Variants in TRAPPC9 observed in about 807,000 individuals in gnomAD.
TRAPPC9 encodes the protein trafficking protein particle complex subunit 9.
Under a neutral mutation model 124.0 loss-of-function variants are expected in TRAPPC9, and 83 were observed. The ratio of observed to expected loss-of-function variants is 0.67; its 90% CI spans 0.56 to 0.80. TRAPPC9 has a LOEUF of 0.80. TRAPPC9 is among the 30% of genes least tolerant of loss of function. The probability of loss-of-function intolerance (pLI) is 0.00; values close to 1 mark genes in which losing one functional copy is unlikely to be tolerated. For synonymous variants in TRAPPC9, 638 were observed against 617.5 expected (o/e 1.03, Z -0.49); for missense variants, 1,302 against 1,508.3 (o/e 0.86, Z 2.27).
chr8:140,223,657 A>C (rs191680039), intron 16 of TRAPPC9, among the ~76,000 whole-genome samples: 2 of 152,366 alleles, frequency 1.3e-5, no homozygotes, highest in South Asian at 2.1e-4. Context: ...CCAAATTCGC[A>C]ATAACTTAGG....
At chr8:140,156,587 G>A (rs1203045788) in intron 17 of TRAPPC9, among the ~76,000 whole-genome samples, 3 of 152,292 alleles carry the variant, frequency 2.0e-5, no homozygotes, top group East Asian at 1.9e-4. Context: ...CGGGAGCCTC[G>A]GAGTTCTGTA....
chr8:140,015,091 C>T (rs1453287373), intron 18 of TRAPPC9, among the ~76,000 whole-genome samples: 2 of 152,224 alleles, frequency 1.3e-5, no homozygotes, highest in Admixed American at 6.5e-5. Context: ...TCATGTTATG[C>T]CAGCAGTAAA....
At chr8:140,426,573 T>TA (rs1178400807) in intron 5 of TRAPPC9, 42 bp downstream of exon 5, 2 of 1,601,326 alleles carry the variant, frequency 1.2e-6, no homozygotes, top group East Asian at 2.2e-5. Flanking sequence ...AACAAGCACT[T>TA]AAAAAAATAA....
intron 9 of TRAPPC9, among the ~76,000 whole-genome samples, chr8:140,322,382 G>C (rs2066619201): frequency 6.6e-6 from 1 of 152,170 alleles, no homozygotes; most frequent in African/African-American, 2.4e-5. Context: ...CACCCCCCTG[G>C]TGGCAAGCCT....
intron 21 of TRAPPC9, among the ~76,000 whole-genome samples, chr8:139,804,119 C>T (rs1823777338): frequency 6.8e-6 from 1 of 147,596 alleles, no homozygotes; most frequent in African/African-American, 2.5e-5. Flanking sequence ...CCACCAAACA[C>T]CACCACCACA....
In TRAPPC9 at chr8:139,888,472, C is replaced by T. The variant is rs58230248; in HGVS notation, c.2965-2503G>A. Among the ~76,000 whole-genome samples the T allele has an allele frequency of 4.2e-3, 643 of 152,250 alleles. 1 individual carries two copies. Among genetic ancestry groups the T allele is most frequent in the African/African-American group, 0.015 (612 of 41,546 alleles). On this transcript the variant is annotated intron_variant, in intron 20 of 22. Transcript: ENST00000438773. ...CCTGTGGGTAGCATTAAGTAAGTGTCACCTACTGTTAGCATCAGCCTCATC... is the reference window on the plus strand; with the variant it reads ...CCTGTGGGTAGCATTAAGTAAGTGTTACCTACTGTTAGCATCAGCCTCATC...
intron 2 of TRAPPC9, among the ~76,000 whole-genome samples, chr8:140,446,135 A>C (rs78556795): frequency 0.011 from 1,627 of 152,258 alleles, 25 homozygotes; most frequent in African/African-American, 0.036. Context: ...TGTACTAAAA[A>C]TACAAAAAAC....
chr8:140,094,209 C>T (rs933069075), intron 17 of TRAPPC9, among the ~76,000 whole-genome samples: 3 of 152,194 alleles, frequency 2.0e-5, no homozygotes, highest in African/African-American at 7.2e-5. Context: ...TTCCAAATAG[C>T]AACAGGCACC....
At chr8:140,398,739 C>T (rs1393465293) in intron 6 of TRAPPC9, among the ~76,000 whole-genome samples, 1 of 152,060 alleles carries the variant, frequency 6.6e-6, no homozygotes, top group East Asian at 1.9e-4. Flanking sequence ...AAATTTGCAG[C>T]CTGACAATGA....
At chr8:140,071,954 A>G (rs2129819803) in intron 17 of TRAPPC9, among the ~76,000 whole-genome samples, 1 of 152,350 alleles carries the variant, frequency 6.6e-6, no homozygotes, top group South Asian at 2.1e-4. Context: ...CATTCACAAA[A>G]TCAATGATTA....
At chr8:140,446,364 TGTACAATAGCTAAGG>T (rs2071259360) in intron 2 of TRAPPC9, among the ~76,000 whole-genome samples, 1 of 150,652 alleles carries the variant, frequency 6.6e-6, no homozygotes, top group African/African-American at 2.4e-5. Flanking sequence ...ATGGAAAGTC[TGTACAATAGCTAAGG>T]TTGAACTGCC....
intron 9 of TRAPPC9, among the ~76,000 whole-genome samples, chr8:140,355,641 G>T (rs1341984069): frequency 2.6e-5 from 4 of 152,144 alleles, no homozygotes; most frequent in Non-Finnish European, 4.4e-5. Context: ...TCACAGCACT[G>T]GGGGGGAATT....
intron 18 of TRAPPC9, among the ~76,000 whole-genome samples, chr8:140,019,299 AG>A (rs1183742704): frequency 1.3e-5 from 2 of 152,140 alleles, no homozygotes; most frequent in Non-Finnish European, 2.9e-5. Context: ...TTTGGCATCA[AG>A]GTGATGTTGG....
intron 17 of TRAPPC9, among the ~76,000 whole-genome samples, chr8:140,047,101 C>A (rs906796805): frequency 6.6e-6 from 1 of 152,234 alleles, no homozygotes; most frequent in Non-Finnish European, 1.5e-5. Context: ...TCTAGCCCAA[C>A]CCTGCCTGGG....
chr8:140,009,193 C>T (rs1001769166), intron 18 of TRAPPC9, among the ~76,000 whole-genome samples: 6 of 152,130 alleles, frequency 3.9e-5, no homozygotes, highest in African/African-American at 1.2e-4. Flanking sequence ...TTCAGAAGAA[C>T]ATCCATAGAC....
intron 17 of TRAPPC9, among the ~76,000 whole-genome samples, chr8:140,038,892 G>C (rs73357196): frequency 0.093 from 14,132 of 152,228 alleles, 1,148 homozygotes; most frequent in African/African-American, 0.21. Context: ...ATCTCTGCTA[G>C]ACTGTGTCCC....
At chr8:140,219,860 C>T (rs1000915968) in intron 17 of TRAPPC9, among the ~76,000 whole-genome samples, 8 of 152,200 alleles carry the variant, frequency 5.3e-5, no homozygotes, top group African/African-American at 1.4e-4. Flanking sequence ...CAATGTGAGG[C>T]CTTGTGAATT....
chr8:140,432,372 A>G (rs1352501827), intron 4 of TRAPPC9, among the ~76,000 whole-genome samples: 1 of 152,210 alleles, frequency 6.6e-6, no homozygotes. Context: ...ACCCCTAAAT[A>G]TAAACAGAAG....
rs34638675 is a variant in TRAPPC9 at position 140,312,740 on chromosome 8, ATTCTTC to A, written c.1496-1372_1496-1367del. Among the ~76,000 whole-genome samples the A allele has an allele frequency of 7.3e-4, 103 of 140,210 alleles. 1 individual carries two copies. The South Asian group carries it at 8.1e-3, about 11-fold the overall frequency. The allele number at this position is 140,210 out of a possible 152,430, so 92.0% of individuals were successfully genotyped here. ...CCATAGGAATTTTCTGTGCCTACGC[ATTCTTC>A]TTCTTCTTCTTCTTTTTTTTTTTTT... On this transcript the variant is annotated intron_variant, in intron 9 of 22. Coordinates refer to ENST00000438773, the MANE Select transcript of TRAPPC9 (RefSeq NM_001160372.4).
Sources: gnomAD v4.1 joint callset for allele counts (sites outside exome capture counted in the v4.1 genomes callset) on GRCh38, gnomAD v4.1.1 for gene constraint, MANE v1.5 for transcripts, NCBI Gene and HGNC (gene_info 2026-07-23, HGNC 2026-07-21) for gene names.